The following CCDC30 variants were observed in gnomAD, a reference collection of about 807,000 sequenced individuals.
CCDC30 encodes the protein coiled-coil domain-containing protein 30.
CCDC30 carries 70 observed loss-of-function variants against 100.2 expected under a neutral mutation model. The ratio of observed to expected loss-of-function variants is 0.70; its 90% CI spans 0.58 to 0.85. The LOEUF (loss-of-function observed/expected upper bound fraction) is 0.85. Ranked by LOEUF, CCDC30 falls within the 40% of genes least tolerant of loss-of-function variation. The pLI, the probability that CCDC30 is intolerant of heterozygous loss-of-function variation, is 0.00. For synonymous variants in CCDC30, 233 were observed against 269.5 expected (o/e 0.86, Z 1.33); for missense variants, 652 against 771.2 (o/e 0.85, Z 1.83).
At chr1:42,606,323 G>A (rs1009147497) in intron 10 of CCDC30, among the ~76,000 whole-genome samples, 1 of 152,302 alleles carries the variant, frequency 6.6e-6, no homozygotes, top group South Asian at 2.1e-4. Flanking sequence ...CTGTTGCCGA[G>A]CTGGAGTGCA....
chr1:42,592,924 C>T (rs1646215983), intron 10 of CCDC30: 1 of 152,126 alleles, frequency 6.6e-6, no homozygotes, highest in African/African-American at 2.4e-5. Context: ...GCCAATTAAA[C>T]TTCTTTTCTC....
At position 42,547,678 on chromosome 1, in the gene CCDC30, T is replaced by C. The variant is rs188907226; in HGVS notation, c.457-18618T>C. 2.6e-5 allele frequency among the ~76,000 whole-genome samples: 4 copies of C among 152,312 alleles called. No homozygotes were observed. In the East Asian group the frequency reaches 5.8e-4, roughly 22 times the overall value. On this transcript the variant is annotated intron_variant, in intron 6 of 16. Transcript: ENST00000668663. ...CTCTGAAAAGTCTAGGTATCTGCCA[T>C]CTGCCTCCTTCTCCTTTTTTTCTCA...
chr1:42,539,940 G>T (rs886429296), intron 6 of CCDC30, among the ~76,000 whole-genome samples: 43 of 151,070 alleles, frequency 2.8e-4, no homozygotes, highest in African/African-American at 1.0e-3. Flanking sequence ...AAAAGAAAAG[G>T]CTACCTGGCC....
intron 6 of CCDC30, among the ~76,000 whole-genome samples, chr1:42,503,920 C>A (rs1644358550): frequency 6.6e-6 from 1 of 152,204 alleles, no homozygotes; most frequent in Non-Finnish European, 1.5e-5. Context: ...ATTAAAGACA[C>A]ACACACAGAA....
intron 12 of CCDC30, 81 bp from the exon 17 acceptor site, chr1:42,642,392 T>C: frequency 7.9e-7 from 1 of 1,270,294 alleles, no homozygotes; most frequent in Non-Finnish European, 1.0e-6. Context: ...AAATTTCTGC[T>C]AGATTTAGAA....
Position 42,492,714 on chromosome 1 carries a change from C to G in CCDC30, c.241+2485C>G, listed in dbSNP as rs549261585. Among the ~76,000 whole-genome samples the G allele has an allele frequency of 1.2e-4, 19 of 152,186 alleles. No homozygotes were observed. In the East Asian group the frequency reaches 3.3e-3, roughly 26 times the overall value. On this transcript the variant is annotated intron_variant, in intron 4 of 16. Coordinates refer to ENST00000668663, the Ensembl canonical transcript of CCDC30. ...CCAGGCTGGAGTGTAGTGGCATGAC[C>G]TCAGCTCACTGCAACCTCTACCTCC...
At chr1:42,457,357 G>C in the CCDC30 span, 2 of 1,609,838 alleles carry the variant, frequency 1.2e-6, no homozygotes. Flanking sequence ...GCAGGTGATG[G>C]GCGCTTCTCT....
At chr1:42,501,379 T>G (rs1644310004) in intron 6 of CCDC30, among the ~76,000 whole-genome samples, 1 of 152,262 alleles carries the variant, frequency 6.6e-6, no homozygotes, top group Non-Finnish European at 1.5e-5. Flanking sequence ...CATGTGTTTA[T>G]TCTTAGAACA....
chr1:42,530,051 C>T (rs978539346), intron 6 of CCDC30, among the ~76,000 whole-genome samples: 17 of 152,192 alleles, frequency 1.1e-4, no homozygotes, highest in Non-Finnish European at 2.5e-4. Flanking sequence ...ACTGTATACC[C>T]ATTAGTCATG....
At chr1:42,543,366 C>T (rs534913627) in intron 6 of CCDC30, among the ~76,000 whole-genome samples, 5 of 151,814 alleles carry the variant, frequency 3.3e-5, no homozygotes, top group African/African-American at 1.2e-4. Flanking sequence ...TTCTCACTCA[C>T]GCTGGAGTGC....
At chr1:42,482,746 G>C in exon 3 of CCDC30, 3 of 1,233,980 alleles carry the variant, frequency 2.4e-6, no homozygotes, top group Non-Finnish European at 3.0e-6. Context: ...AGAAGTTAGG[G>C]GTGGCTCATG....
chr1:42,622,205 A>T (rs1267420150), intron 11 of CCDC30, among the ~76,000 whole-genome samples: 1 of 152,134 alleles, frequency 6.6e-6, no homozygotes, highest in Non-Finnish European at 1.5e-5. Context: ...CTTTCTGTGC[A>T]TGGCTTATTT....
intron 1 of CCDC30, among the ~76,000 whole-genome samples, chr1:42,472,041 G>A (rs570223088): frequency 1.8e-4 from 28 of 152,252 alleles, no homozygotes; most frequent in Non-Finnish European, 4.1e-4. Flanking sequence ...ATCACTTGAG[G>A]TCAGGAGTTC....
intron 6 of CCDC30, among the ~76,000 whole-genome samples, chr1:42,521,569 C>G (rs1383037022): frequency 6.6e-6 from 1 of 152,124 alleles, no homozygotes; most frequent in Non-Finnish European, 1.5e-5. Context: ...TCTGTTAGCT[C>G]TAGTTGGCTT....
intron 6 of CCDC30, among the ~76,000 whole-genome samples, chr1:42,532,067 G>T (rs1411141704): frequency 6.6e-6 from 1 of 151,944 alleles, no homozygotes; most frequent in African/African-American, 2.4e-5. Flanking sequence ...CAAAGTGGGA[G>T]GATTGCTTGA....
At position 42,560,703 on chromosome 1, in the gene CCDC30, A is replaced by G. The variant is rs141526190; in HGVS notation, c.457-5593A>G. On this transcript the variant is annotated intron_variant, in intron 6 of 16. Coordinates refer to ENST00000668663, the Ensembl canonical transcript of CCDC30. ...TTTTTTGAAAAAATTAACAAAATAG[A>G]CCACTAGCTAGACTAATAAAGAAGA... Among the ~76,000 whole-genome samples the G allele has an allele frequency of 3.8e-3, 580 of 152,172 alleles. 8 individuals carry two copies. The highest frequency in any genetic ancestry group is 0.013 in the African/African-American group (539 of 41,520).
chr1:42,478,759 AAAC>A (rs1329173872), intron 1 of CCDC30, among the ~76,000 whole-genome samples: 1 of 152,180 alleles, frequency 6.6e-6, no homozygotes, highest in East Asian at 1.9e-4. Context: ...ATCCTGTCTC[AAAC>A]AACAGAATAA....
At chr1:42,469,035 C>A (rs1263388647) in intron 1 of CCDC30, among the ~76,000 whole-genome samples, 1 of 151,022 alleles carries the variant, frequency 6.6e-6, no homozygotes, top group Admixed American at 6.6e-5. Context: ...AAAAAAAAAA[C>A]TTTCAGGGAA....
intron 6 of CCDC30, among the ~76,000 whole-genome samples, chr1:42,507,021 G>T (rs12042028): frequency 0.2 from 30,456 of 152,050 alleles, 3,323 homozygotes; most frequent in South Asian, 0.42. Flanking sequence ...CTGCCTCTCA[G>T]ATTCGAGTGA....
Sources: gnomAD v4.1 joint callset for allele counts (sites outside exome capture counted in the v4.1 genomes callset) on GRCh38, gnomAD v4.1.1 for gene constraint, MANE v1.5 for transcripts, NCBI Gene and HGNC (gene_info 2026-07-23, HGNC 2026-07-21) for gene names.